Variants in KLRG1 observed in about 807,000 individuals in gnomAD.
The protein encoded by KLRG1 is killer cell lectin-like receptor subfamily G member 1.
In KLRG1, 16 loss-of-function variants were observed where a neutral mutation model predicts 21.8. The observed-to-expected ratio is 0.73, with a 90% CI of 0.50 to 1.11. KLRG1 has a LOEUF of 1.11. KLRG1 is among the 50% of genes most tolerant of loss of function. The pLI is 0.00. For missense variants in KLRG1, 173 were observed against 218.3 expected (o/e 0.79, Z 1.31); for synonymous variants, 69 against 75.9 (o/e 0.91, Z 0.47).
chr12:9,144,722 T>C, the KLRG1 span, among the ~76,000 whole-genome samples: 1 of 152,128 alleles, frequency 6.6e-6, no homozygotes, highest in African/African-American at 2.4e-5. Flanking sequence ...GAGAAGTTTA[T>C]TGTGGGGTTG....
the KLRG1 span, chr12:9,104,111 T>C: frequency 2.2e-6 from 2 of 919,132 alleles, no homozygotes; most frequent in East Asian, 5.6e-5. Flanking sequence ...TAACCTTCAA[T>C]CGGTTTCTAA....
chr12:9,075,222 A>G, the KLRG1 span, among the ~76,000 whole-genome samples: 1 of 152,236 alleles, frequency 6.6e-6, no homozygotes, highest in Non-Finnish European at 1.5e-5. Context: ...AAAATACAGT[A>G]ATCCTTGAAA....
the KLRG1 span, among the ~76,000 whole-genome samples, chr12:9,215,492 CTCTT>C: frequency 6.6e-6 from 1 of 151,284 alleles, no homozygotes; most frequent in South Asian, 2.1e-4. Flanking sequence ...AAAGTCCTTT[CTCTT>C]TCTTTTTATA....
the KLRG1 span, among the ~76,000 whole-genome samples, chr12:9,097,830 A>AT: frequency 3.3e-5 from 5 of 152,212 alleles, no homozygotes; most frequent in South Asian, 6.2e-4. Context: ...ACGGGGTTTC[A>AT]TTATATTGGC....
At chr12:9,090,546 G>T in the KLRG1 span, 1 of 1,556,516 alleles carries the variant, frequency 6.4e-7, no homozygotes, top group Non-Finnish European at 8.8e-7. Flanking sequence ...TGGGTTTGAA[G>T]TAAAGCATCT....
chr12:9,166,096 T>A, the KLRG1 span: 1 of 1,612,728 alleles, frequency 6.2e-7, no homozygotes, highest in Non-Finnish European at 8.5e-7. Flanking sequence ...GAAAATAGCT[T>A]CGCACCGTTT....
At chr12:9,065,457 G>GT in the KLRG1 span, among the ~76,000 whole-genome samples, 1 of 152,172 alleles carries the variant, frequency 6.6e-6, no homozygotes, top group African/African-American at 2.4e-5. Context: ...CCGAGCCTGG[G>GT]TACTGTCACA....
At chr12:9,083,583 T>A in the KLRG1 span, among the ~76,000 whole-genome samples, 2 of 151,884 alleles carry the variant, frequency 1.3e-5, no homozygotes, top group South Asian at 4.2e-4. Flanking sequence ...GATAGAGTAT[T>A]TGGAATTATC....
At chr12:9,065,394 G>T in the KLRG1 span, among the ~76,000 whole-genome samples, 1 of 152,094 alleles carries the variant, frequency 6.6e-6, no homozygotes, top group South Asian at 2.1e-4. Context: ...TACTCCGGCT[G>T]CCTGGCTTCT....
At chr12:8,976,939 C>G (rs749248306) in intron 1 of KLRG1, among the ~76,000 whole-genome samples, 1 of 151,780 alleles carries the variant, frequency 6.6e-6, no homozygotes, top group South Asian at 2.1e-4. Flanking sequence ...TTAGTAGAAA[C>G]GGGGTTTCAC....
At chr12:9,108,972 C>T in the KLRG1 span, among the ~76,000 whole-genome samples, 17 of 152,204 alleles carry the variant, frequency 1.1e-4, no homozygotes, top group Admixed American at 3.3e-4. Flanking sequence ...CCCTAATATA[C>T]GTTTGGTTAT....
At chr12:9,116,182 C>G in the KLRG1 span, 18 of 338,566 alleles carry the variant, frequency 5.3e-5, no homozygotes, top group African/African-American at 3.4e-4. Flanking sequence ...CTCACTCCCC[C>G]ACAACTCCTC....
At chr12:9,026,453 T>G in the KLRG1 span, among the ~76,000 whole-genome samples, 1 of 152,192 alleles carries the variant, frequency 6.6e-6, no homozygotes, top group Non-Finnish European at 1.5e-5. Flanking sequence ...AGGGTACTAG[T>G]CCTAGGTCCT....
At chr12:8,991,629 T>C (rs1256294895) in intron 1 of KLRG1, among the ~76,000 whole-genome samples, 1 of 151,470 alleles carries the variant, frequency 6.6e-6, no homozygotes, top group South Asian at 2.1e-4. Context: ...GTCTTGACTA[T>C]ATATCTTACA....
chr12:9,018,828 A>G, the KLRG1 span, among the ~76,000 whole-genome samples: 1 of 152,192 alleles, frequency 6.6e-6, no homozygotes, highest in Non-Finnish European at 1.5e-5. Context: ...TGAAACTACT[A>G]AAAGAAAACA....
At chr12:9,153,946 T>A in the KLRG1 span, among the ~76,000 whole-genome samples, 2 of 152,192 alleles carry the variant, frequency 1.3e-5, no homozygotes, top group African/African-American at 4.8e-5. Flanking sequence ...TTCAAGAGCT[T>A]CAGCTTAAAA....
the KLRG1 span, chr12:9,194,252 G>C: frequency 6.2e-7 from 1 of 1,612,566 alleles, no homozygotes; most frequent in Admixed American, 1.7e-5. Flanking sequence ...AAGAAGAAAA[G>C]TACTTGATAG....
chr12:9,084,856 G>A, the KLRG1 span, among the ~76,000 whole-genome samples: 1 of 152,126 alleles, frequency 6.6e-6, no homozygotes, highest in African/African-American at 2.4e-5. Flanking sequence ...GGTAAATGGG[G>A]ACTAAAAGAG....
the KLRG1 span, among the ~76,000 whole-genome samples, chr12:9,041,786 C>T: frequency 6.6e-6 from 1 of 152,128 alleles, no homozygotes; most frequent in East Asian, 1.9e-4. Flanking sequence ...CTTGAGGTAC[C>T]CCATGCGAGA....
Sources: allele counts gnomAD v4.1 joint callset (sites outside exome capture counted in the v4.1 genomes callset), GRCh38; gene constraint gnomAD v4.1.1; transcripts MANE v1.5; gene names NCBI Gene and HGNC (gene_info 2026-07-23, HGNC 2026-07-21).